The following NHERF4 variants were observed in gnomAD, a reference collection of about 807,000 sequenced individuals.
NHERF4 encodes Na(+)/H(+) exchange regulatory cofactor NHE-RF4.
At chr11:119,189,477 C>A in the NHERF4 span, 150 of 1,614,092 alleles carry the variant, frequency 9.3e-5, no homozygotes, top group East Asian at 2.8e-3. This position sits in a 1 kb window ranked among gnomAD's most constrained non-coding sequence, Gnocchi z 5.8. Flanking sequence ...GGGCTCTGGC[C>A]TCGGATCTAC....
chr11:119,188,647 T>TGTCCCC, the NHERF4 span: 2 of 1,613,994 alleles, frequency 1.2e-6, no homozygotes, highest in East Asian at 2.2e-5. Context: ...CAGGTTCGCC[T>TGTCCCC]GTCCCCACTC....
At chr11:119,185,828 G>A in the NHERF4 span, 2 of 1,543,142 alleles carry the variant, frequency 1.3e-6, no homozygotes, top group Non-Finnish European at 8.9e-7. Context: ...TGAGTTTGGG[G>A]GTTTCCCTGA....
the NHERF4 span, chr11:119,188,697 G>C: frequency 6.2e-7 from 1 of 1,614,036 alleles, no homozygotes; most frequent in East Asian, 2.2e-5. Flanking sequence ...CTCGCCCCGG[G>C]GCAGCAGCTC....
chr11:119,187,325 G>A, the NHERF4 span: 46 of 1,612,848 alleles, frequency 2.9e-5, no homozygotes, highest in East Asian at 8.9e-5. Flanking sequence ...GTATTGGCAC[G>A]GCATGCACAT....
chr11:119,187,541 T>C, the NHERF4 span: 18 of 1,603,796 alleles, frequency 1.1e-5, no homozygotes, highest in African/African-American at 1.2e-4. Flanking sequence ...AGACTGGACC[T>C]TGCTTTTTTT....
At chr11:119,187,959 A>G in the NHERF4 span, 63 of 1,571,962 alleles carry the variant, frequency 4.0e-5, no homozygotes, top group Non-Finnish European at 5.3e-5. Flanking sequence ...AGTGGACAGC[A>G]GGTGACCTTG....
At chr11:119,186,475 C>T in the NHERF4 span, 5 of 1,613,982 alleles carry the variant, frequency 3.1e-6, no homozygotes, top group Non-Finnish European at 4.2e-6. This position sits in a 1 kb window ranked among gnomAD's most constrained non-coding sequence, Gnocchi z 4.4. Context: ...ACCTCACCCT[C>T]CAGATCCCTG....
chr11:119,186,829 T>A, the NHERF4 span: 1 of 891,840 alleles, frequency 1.1e-6, no homozygotes. The surrounding 1 kb of genome is among the most constrained non-coding windows in gnomAD (Gnocchi z 4.4). Flanking sequence ...GTCAGAGGGG[T>A]AGGGAAAGCA....
chr11:119,185,861 G>A, the NHERF4 span: 10 of 1,608,558 alleles, frequency 6.2e-6, no homozygotes, highest in Non-Finnish European at 6.8e-6. Flanking sequence ...TATGCCAATG[G>A]AAGAGGCACA....
chr11:119,188,419 C>T, the NHERF4 span: 7 of 1,613,844 alleles, frequency 4.3e-6, no homozygotes, highest in East Asian at 2.2e-5. Context: ...AGGCTGGGGA[C>T]CGGCTGGTGG....
the NHERF4 span, chr11:119,189,087 G>A: frequency 6.2e-7 from 1 of 1,614,110 alleles, no homozygotes; most frequent in Middle Eastern, 1.6e-4. The surrounding 1 kb of genome is among the most constrained non-coding windows in gnomAD (Gnocchi z 5.8). Context: ...CCTGTTGGGG[G>A]ACAGAATGAC....
the NHERF4 span, chr11:119,187,301 G>A: frequency 2.0e-5 from 33 of 1,610,228 alleles, no homozygotes; most frequent in South Asian, 6.6e-5. Context: ...AGCAGCCCTC[G>A]GGTGTTGCTG....
chr11:119,189,124 G>A, the NHERF4 span: 2 of 1,614,026 alleles, frequency 1.2e-6, no homozygotes, highest in African/African-American at 1.3e-5. The surrounding 1 kb of genome is among the most constrained non-coding windows in gnomAD (Gnocchi z 5.8). Context: ...AGCTGCCTGA[G>A]GCTGAGCCAC....
chr11:119,188,937 C>T, the NHERF4 span: 1 of 1,611,562 alleles, frequency 6.2e-7, no homozygotes, highest in Non-Finnish European at 8.5e-7. Flanking sequence ...CTCTGCTTCC[C>T]TCCCAGAGCC....
At chr11:119,189,352 G>C in the NHERF4 span, 1 of 1,505,276 alleles carries the variant, frequency 6.6e-7, no homozygotes, top group South Asian at 1.1e-5. The surrounding 1 kb of genome is among the most constrained non-coding windows in gnomAD (Gnocchi z 5.8). Context: ...GGGACAGAAG[G>C]ACTCGTGAAA....
chr11:119,186,335 C>T, the NHERF4 span: 2 of 1,557,912 alleles, frequency 1.3e-6, no homozygotes, highest in African/African-American at 1.4e-5. The surrounding 1 kb of genome is among the most constrained non-coding windows in gnomAD (Gnocchi z 4.4). Context: ...GTCCCTCTGC[C>T]CACGAACCCC....
chr11:119,188,150 T>TG, the NHERF4 span: 1 of 1,530,388 alleles, frequency 6.5e-7, no homozygotes, highest in Admixed American at 2.0e-5. Flanking sequence ...CCCTGGTGAG[T>TG]GGGAGCCCTG....
At chr11:119,189,144 T>C in the NHERF4 span, 1 of 1,613,776 alleles carries the variant, frequency 6.2e-7, no homozygotes, top group Non-Finnish European at 8.5e-7. The surrounding 1 kb of genome is among the most constrained non-coding windows in gnomAD (Gnocchi z 5.8). Context: ...CCCCTCTGCC[T>C]GAAGCTGGCA....
the NHERF4 span, chr11:119,186,055 C>G: frequency 2.5e-6 from 4 of 1,610,044 alleles, no homozygotes; most frequent in African/African-American, 5.3e-5. This position sits in a 1 kb window ranked among gnomAD's most constrained non-coding sequence, Gnocchi z 4.4. Flanking sequence ...CCAAGTCCAG[C>G]TGCCAGCTTG....
Sources: allele counts gnomAD v4.1 joint callset, GRCh38; gene constraint gnomAD v4.1.1; non-coding constraint Gnocchi (gnomAD v3.1); transcripts MANE v1.5; gene names NCBI Gene and HGNC (gene_info 2026-07-23, HGNC 2026-07-21).